CYB5R4: variants seen among roughly 807,000 people sequenced by gnomAD.
The protein encoded by CYB5R4 is cytochrome b5 reductase 4.
In CYB5R4, 55 loss-of-function variants were observed where a neutral mutation model predicts 70.2. That is an observed-to-expected ratio of 0.78 (90% CI 0.63 to 0.98). CYB5R4 has a LOEUF of 0.98. Among genes scored for constraint, CYB5R4 ranks in the 50% least tolerant of loss-of-function variants. CYB5R4 has a pLI of 0.00. For synonymous variants in CYB5R4, 197 were observed against 199.5 expected (o/e 0.99, Z 0.11); for missense variants, 562 against 612.6 (o/e 0.92, Z 0.87).
At chr6:83,870,875 A>T (rs2099457483) in intron 2 of CYB5R4, among the ~76,000 whole-genome samples, 1 of 152,042 alleles carries the variant, frequency 6.6e-6, no homozygotes, top group East Asian at 1.9e-4. Flanking sequence ...GAGGTCAAAG[A>T]AGGCAGTGTT....
At position 83,961,229 on chromosome 6, in the gene CYB5R4, T is replaced by C. The variant is rs2099473292; in HGVS notation, c.*1351T>C. The C allele has an allele frequency of 6.6e-6, 1 of 152,204 alleles. No homozygotes were observed. The highest frequency in any genetic ancestry group is 2.4e-5 in the African/African-American group (1 of 41,448). 9.4% of individuals were successfully genotyped at this position (152,204 alleles called of 1,614,324 possible). A position where few individuals can be genotyped will look rare whatever the true frequency, so the allele number is the denominator to read the frequency against. ...TAGCCAATTCCACCATCATCATTATTCACAAAGACAGGAATCTAGCTGTCC... is the reference window on the plus strand; with the variant it reads ...TAGCCAATTCCACCATCATCATTATCCACAAAGACAGGAATCTAGCTGTCC... On this transcript the variant is annotated 3_prime_UTR_variant, in exon 16 of 16. Transcript: ENST00000369681.
chr6:83,927,360 G>A (rs190102940), intron 10 of CYB5R4, among the ~76,000 whole-genome samples: 288 of 152,190 alleles, frequency 1.9e-3, no homozygotes, highest in Non-Finnish European at 2.9e-3. Flanking sequence ...GATACATCCT[G>A]GAGTTTAGGG....
At chr6:83,894,957 G>C (rs1482122136) in intron 3 of CYB5R4, among the ~76,000 whole-genome samples, 1 of 152,108 alleles carries the variant, frequency 6.6e-6, no homozygotes, top group African/African-American at 2.4e-5. Flanking sequence ...AACCTGTGTT[G>C]TTCAAGGGCC....
At chr6:83,867,227 G>A (rs2099456868) in intron 2 of CYB5R4, among the ~76,000 whole-genome samples, 1 of 152,164 alleles carries the variant, frequency 6.6e-6, no homozygotes, top group Non-Finnish European at 1.5e-5. Context: ...TGAAGCAGTA[G>A]ACAGGATTTC....
At chr6:83,954,688 A>G (rs1369005124) in intron 14 of CYB5R4, among the ~76,000 whole-genome samples, 1 of 152,042 alleles carries the variant, frequency 6.6e-6, no homozygotes, top group Non-Finnish European at 1.5e-5. Flanking sequence ...ATAGAAATGT[A>G]GCGTTCTCTG....
intron 10 of CYB5R4, among the ~76,000 whole-genome samples, chr6:83,933,461 G>C (rs1314390549): frequency 6.6e-6 from 1 of 151,996 alleles, no homozygotes; most frequent in Non-Finnish European, 1.5e-5. Flanking sequence ...TTAGCTGTTG[G>C]CCCTTCACTT....
chr6:83,894,518 A>G (rs1208610288), intron 3 of CYB5R4, among the ~76,000 whole-genome samples: 1 of 152,106 alleles, frequency 6.6e-6, no homozygotes, highest in African/African-American at 2.4e-5. Context: ...AATTTGTTTT[A>G]TATAGTTGAC....
In CYB5R4 at chr6:83,960,192, TATGACATGATAAAGTAA is replaced by T. The variant is rs1397560337; in HGVS notation, c.*319_*335del. The T allele has an allele frequency of 1.5e-5, 3 of 202,430 alleles. No individual in the cohort carries two copies. Among genetic ancestry groups the T allele is most frequent in the Non-Finnish European group, 2.9e-5 (3 of 101,730 alleles). The allele number at this position is 202,430 out of a possible 1,614,324, so 12.5% of individuals were successfully genotyped here. On this transcript the variant is annotated 3_prime_UTR_variant, in exon 16 of 16. Transcript: ENST00000369681. ...TGTTCTACAATAAGCACTTGTGTTTTATGACATGATAAAGTAAATGATCACTTCGATCATGTTTCTAT... is the reference window on the plus strand; with the variant it reads ...TGTTCTACAATAAGCACTTGTGTTTTATGATCACTTCGATCATGTTTCTAT...
At chr6:83,942,387 G>T (rs1321030325) in intron 14 of CYB5R4, among the ~76,000 whole-genome samples, 1 of 152,188 alleles carries the variant, frequency 6.6e-6, no homozygotes, top group Non-Finnish European at 1.5e-5. Flanking sequence ...ACTAGCCAAG[G>T]GAAGCCATGA....
intron 2 of CYB5R4, among the ~76,000 whole-genome samples, chr6:83,874,500 A>G (rs1330380317): frequency 6.8e-6 from 1 of 146,270 alleles, no homozygotes; most frequent in Non-Finnish European, 1.5e-5. Flanking sequence ...GGCCTCAAAG[A>G]CCTCATTCTT....
chr6:83,926,564 A>T (rs1017337304), intron 10 of CYB5R4, among the ~76,000 whole-genome samples: 11 of 152,120 alleles, frequency 7.2e-5, no homozygotes, highest in African/African-American at 2.7e-4. Flanking sequence ...ACCAGTCACA[A>T]TGAATTAGAG....
At position 83,922,326 on chromosome 6, in the gene CYB5R4, T is replaced by G. The variant is rs2099466511; in HGVS notation, c.659-112T>G. ...TGTTTTGGTCTTTCAGAACACGTTT[T>G]GTCTTGAGGGATTTGAAATAGTACA... On this transcript the variant is annotated intron_variant, in intron 8 of 15. Coordinates refer to ENST00000369681, the MANE Select transcript of CYB5R4 (RefSeq NM_016230.4). 3 of 681,576 alleles carry G rather than the reference T, an allele frequency of 4.4e-6. No individual in the cohort carries two copies. The Admixed American group carries it at 1.0e-4, about 23-fold the overall frequency. The allele number at this position is 681,576 out of a possible 1,614,324, so 42.2% of individuals were successfully genotyped here.
In CYB5R4 at chr6:83,936,321, G is replaced by A. The variant is rs764154942; in HGVS notation, c.1053G>A (p.Leu351=). 1 of 1,612,146 alleles carries A rather than the reference G, an allele frequency of 6.2e-7. No homozygotes were observed. Among genetic ancestry groups the A allele is most frequent in the Non-Finnish European group, 8.5e-7 (1 of 1,179,224 alleles). The part of the protein sequence containing the change: ...VLPNNKYIYF[L]IKIYPTGLFT... ...CCAACAATAAATACATCTACTTTTTGATAAAAATCTATCCCACTGGACTCT... is the reference window on the plus strand; with the variant it reads ...CCAACAATAAATACATCTACTTTTTAATAAAAATCTATCCCACTGGACTCT... Residue 351 remains leucine, a synonymous_variant, in exon 12 of 16, where the codon TTG becomes TTA. Transcript: ENST00000369681.
intron 3 of CYB5R4, among the ~76,000 whole-genome samples, chr6:83,908,352 A>G (rs2099464139): frequency 6.6e-6 from 1 of 152,166 alleles, no homozygotes; most frequent in South Asian, 2.1e-4. Flanking sequence ...AAAATGTGCC[A>G]AATGGCCTTT....
chr6:83,930,029 C>G (rs1324582403), intron 10 of CYB5R4, among the ~76,000 whole-genome samples: 1 of 152,110 alleles, frequency 6.6e-6, no homozygotes, highest in Non-Finnish European at 1.5e-5. Context: ...TTACATTATA[C>G]TTTAGTCTGT....
intron 2 of CYB5R4, among the ~76,000 whole-genome samples, chr6:83,891,076 G>A (rs904391720): frequency 6.6e-6 from 1 of 152,014 alleles, no homozygotes; most frequent in African/African-American, 2.4e-5. Flanking sequence ...CCAAGTAGCA[G>A]GGGGACTACA....
At chr6:83,942,891 T>C (rs371185752) in intron 14 of CYB5R4, among the ~76,000 whole-genome samples, 3 of 152,040 alleles carry the variant, frequency 2.0e-5, no homozygotes, top group African/African-American at 7.2e-5. Flanking sequence ...CGAAAAGCCA[T>C]GATAGCCAGA....
chr6:83,952,170 C>T (rs144274999), intron 14 of CYB5R4, among the ~76,000 whole-genome samples: 64 of 152,156 alleles, frequency 4.2e-4, no homozygotes, highest in Middle Eastern at 3.4e-3. Context: ...ACAAAGGAAA[C>T]GGGACTATTT....
At chr6:83,918,459 CT>C (rs1446922985) in intron 6 of CYB5R4, among the ~76,000 whole-genome samples, 2 of 151,850 alleles carry the variant, frequency 1.3e-5, no homozygotes, top group East Asian at 3.9e-4. Flanking sequence ...AATATAATAC[CT>C]ACTTCCATAT....
Sources: allele counts gnomAD v4.1 joint callset (sites outside exome capture counted in the v4.1 genomes callset), GRCh38; gene constraint gnomAD v4.1.1; transcripts MANE v1.5; gene names NCBI Gene and HGNC (gene_info 2026-07-23, HGNC 2026-07-21).